Variants in CCSER1 observed in about 807,000 individuals in gnomAD.
The protein encoded by CCSER1 is serine-rich coiled-coil domain-containing protein 1.
Under a neutral mutation model 82.0 loss-of-function variants are expected in CCSER1, and 41 were observed. The observed-to-expected ratio is 0.50, with a 90% CI of 0.39 to 0.65. The LOEUF is 0.65. Among genes scored for constraint, CCSER1 ranks in the 30% least tolerant of loss-of-function variants. The pLI is 0.00. For synonymous variants in CCSER1, 414 were observed against 383.9 expected, an observed-to-expected ratio of 1.08 and a Z score of -0.92; for missense variants, 1,119 against 1,064.2, an observed-to-expected ratio of 1.05 and a Z score of -0.72.
chr4:90,934,774 A>G (rs1730716269), intron 9 of CCSER1, among the ~76,000 whole-genome samples: 1 of 151,974 alleles, frequency 6.6e-6, no homozygotes, highest in African/African-American at 2.4e-5. Context: ...TCTACTAATA[A>G]TACAAAATTA....
chr4:90,298,069 T>G (rs1010005974), intron 1 of CCSER1, among the ~76,000 whole-genome samples: 2 of 152,178 alleles, frequency 1.3e-5, no homozygotes, highest in African/African-American at 4.8e-5. Context: ...GGAGGAATGG[T>G]ACCAGTTCCT....
chr4:91,472,231 A>C (rs923634317), intron 10 of CCSER1, among the ~76,000 whole-genome samples: 1 of 152,162 alleles, frequency 6.6e-6, no homozygotes, highest in Non-Finnish European at 1.5e-5. Context: ...TTCTTGAGAC[A>C]GGCTGTTATG....
intron 5 of CCSER1, among the ~76,000 whole-genome samples, chr4:90,530,415 A>T (rs1265446923): frequency 1.3e-5 from 2 of 152,212 alleles, no homozygotes; most frequent in Non-Finnish European, 2.9e-5. Context: ...GACAAGTCAG[A>T]AAATAGTAAA....
At position 90,569,744 on chromosome 4, in the gene CCSER1, G is replaced by C. The variant is rs546272484; in HGVS notation, c.1725-58281G>C. On this transcript the variant is annotated intron_variant, in intron 5 of 10. Transcript: ENST00000509176. Reference sequence around the variant, plus strand: ...TCCATCTCTCAAGGCTCTCCATCTTGTGCTGAGTGGCTACAGCTCCTGCTG... The same window carrying C: ...TCCATCTCTCAAGGCTCTCCATCTTCTGCTGAGTGGCTACAGCTCCTGCTG... Among the ~76,000 whole-genome samples the C allele has an allele frequency of 1.1e-4, 16 of 152,282 alleles. No homozygotes were observed. The South Asian group carries it at 2.1e-3, about 20-fold the overall frequency.
At chr4:90,456,782 A>G (rs1348380209) in intron 4 of CCSER1, among the ~76,000 whole-genome samples, 1 of 152,204 alleles carries the variant, frequency 6.6e-6, no homozygotes, top group Admixed American at 6.5e-5. Context: ...GATTCCCCAA[A>G]AAAGGACAGA....
chr4:90,507,641 T>C (rs1770900757), intron 5 of CCSER1, among the ~76,000 whole-genome samples: 1 of 152,082 alleles, frequency 6.6e-6, no homozygotes, highest in East Asian at 1.9e-4. Flanking sequence ...GTATGGAATA[T>C]TGGAGAGAAA....
intron 1 of CCSER1, among the ~76,000 whole-genome samples, chr4:90,228,660 A>T (rs190693537): frequency 9.3e-4 from 142 of 152,338 alleles, no homozygotes; most frequent in African/African-American, 3.3e-3. Flanking sequence ...GCTTCAGATG[A>T]TCAAATTACT....
intron 5 of CCSER1, among the ~76,000 whole-genome samples, chr4:90,541,728 GATGTT>G (rs942762111): frequency 6.6e-5 from 10 of 151,924 alleles, no homozygotes; most frequent in African/African-American, 2.4e-4. Context: ...TAAATGTTAT[GATGTT>G]ATGTTATTTA....
At chr4:90,431,517 C>A (rs28419521) in intron 4 of CCSER1, among the ~76,000 whole-genome samples, 453 of 152,186 alleles carry the variant, frequency 3.0e-3, no homozygotes, top group African/African-American at 0.011. Context: ...CAGCTTCCTA[C>A]TCACTGTTTC....
intron 10 of CCSER1, among the ~76,000 whole-genome samples, chr4:91,256,905 A>G (rs1740736607): frequency 1.3e-5 from 2 of 152,216 alleles, no homozygotes; most frequent in Non-Finnish European, 2.9e-5. Context: ...TTCTTGGGTT[A>G]AACAAGCTCC....
chr4:91,089,172 G>C (rs913670750), intron 10 of CCSER1, among the ~76,000 whole-genome samples: 1 of 152,160 alleles, frequency 6.6e-6, no homozygotes, highest in East Asian at 1.9e-4. Flanking sequence ...TGAAAGGGCC[G>C]TGATTGATTG....
chr4:90,152,897 T>A (rs1578207969), intron 1 of CCSER1, among the ~76,000 whole-genome samples: 1 of 151,730 alleles, frequency 6.6e-6, no homozygotes, highest in Admixed American at 6.6e-5. Flanking sequence ...TATTTTTTAT[T>A]ATTATACTTT....
intron 5 of CCSER1, among the ~76,000 whole-genome samples, chr4:90,590,964 CTT>C (rs1201225654): frequency 6.6e-6 from 1 of 152,162 alleles, no homozygotes; most frequent in Non-Finnish European, 1.5e-5. Context: ...TGTGTCCTCT[CTT>C]ATTTCTTTGA....
At chr4:90,481,523 T>C (rs1005672870) in intron 5 of CCSER1, among the ~76,000 whole-genome samples, 1 of 152,200 alleles carries the variant, frequency 6.6e-6, no homozygotes, top group East Asian at 1.9e-4. Context: ...AGAAAGCGCT[T>C]ATTATTTTGA....
At chr4:90,949,700 T>C (rs1732676269) in intron 9 of CCSER1, among the ~76,000 whole-genome samples, 1 of 152,172 alleles carries the variant, frequency 6.6e-6, no homozygotes, top group African/African-American at 2.4e-5. Flanking sequence ...TTGTTGGGCA[T>C]ACACAGTAGG....
chr4:91,335,224 C>T (rs1747236714), intron 10 of CCSER1, among the ~76,000 whole-genome samples: 2 of 152,150 alleles, frequency 1.3e-5, no homozygotes, highest in African/African-American at 2.4e-5. Flanking sequence ...GGAGCCACAG[C>T]ATGAAACTGA....
intron 10 of CCSER1, among the ~76,000 whole-genome samples, chr4:91,435,771 T>C (rs1441881177): frequency 6.6e-6 from 1 of 152,230 alleles, no homozygotes; most frequent in Non-Finnish European, 1.5e-5. Context: ...CTAATTATTT[T>C]GGCATGCTTT....
At chr4:91,290,913 G>A (rs1181830772) in intron 10 of CCSER1, among the ~76,000 whole-genome samples, 1 of 151,688 alleles carries the variant, frequency 6.6e-6, no homozygotes, top group African/African-American at 2.4e-5. Context: ...ATAAAAGAAT[G>A]TCTTGATTTT....
chr4:90,235,344 G>A (rs1419799943), intron 1 of CCSER1: 1 of 152,178 alleles, frequency 6.6e-6, no homozygotes, highest in Non-Finnish European at 1.5e-5. Context: ...ACAATTGGAG[G>A]TATGTTTTAT....
Sources: allele counts gnomAD v4.1 joint callset (sites outside exome capture counted in the v4.1 genomes callset), GRCh38; gene constraint gnomAD v4.1.1; transcripts MANE v1.5; gene names NCBI Gene and HGNC (gene_info 2026-07-23, HGNC 2026-07-21).